The following SPAG16 variants were observed in gnomAD, a reference collection of about 807,000 sequenced individuals.
SPAG16 encodes the protein sperm-associated antigen 16 protein.
Under a neutral mutation model 80.4 loss-of-function variants are expected in SPAG16, and 86 were observed. The ratio of observed to expected loss-of-function variants is 1.07; its 90% CI spans 0.90 to 1.28. The LOEUF (loss-of-function observed/expected upper bound fraction) is 1.28. Ranked by LOEUF, SPAG16 falls within the 50% of genes most tolerant of loss-of-function variation. The pLI is 0.00. For missense variants in SPAG16, 870 were observed against 765.3 expected (o/e 1.14, Z -1.61); for synonymous variants, 294 against 265.9 (o/e 1.11, Z -1.03).
chr2:213,517,215 G>T (rs185156158), intron 10 of SPAG16, among the ~76,000 whole-genome samples: 9 of 152,204 alleles, frequency 5.9e-5, no homozygotes, highest in African/African-American at 1.9e-4. Flanking sequence ...TACAACAGCG[G>T]CAAAGAAAAC....
intron 14 of SPAG16, among the ~76,000 whole-genome samples, chr2:214,132,670 T>A (rs2054837458): frequency 6.6e-6 from 1 of 152,128 alleles, no homozygotes; most frequent in African/African-American, 2.4e-5. Flanking sequence ...CAGTGGAAAC[T>A]AAGAAGAAAA....
At chr2:213,465,321 G>T (rs1370913954) in intron 9 of SPAG16, among the ~76,000 whole-genome samples, 1 of 152,154 alleles carries the variant, frequency 6.6e-6, no homozygotes, top group African/African-American at 2.4e-5. Context: ...TTGCACCCGA[G>T]AAAACAGGTG....
intron 9 of SPAG16, among the ~76,000 whole-genome samples, chr2:213,471,677 T>G (rs1021198247): frequency 6.6e-6 from 1 of 152,180 alleles, no homozygotes; most frequent in Non-Finnish European, 1.5e-5. Flanking sequence ...ATGGCCCAAG[T>G]GGCAGAGCAG....
intron 11 of SPAG16, among the ~76,000 whole-genome samples, chr2:213,908,096 T>C (rs2077504516): frequency 6.6e-6 from 1 of 152,192 alleles, no homozygotes; most frequent in African/African-American, 2.4e-5. Context: ...TGTATACTTA[T>C]ATATTGCAGT....
At chr2:213,920,377 C>T (rs1252964742) in intron 11 of SPAG16, among the ~76,000 whole-genome samples, 1 of 152,156 alleles carries the variant, frequency 6.6e-6, no homozygotes, top group Non-Finnish European at 1.5e-5. Context: ...TATAGTGTCA[C>T]TGGTCTGTAT....
chr2:213,934,428 T>C (rs2078901408), intron 12 of SPAG16, among the ~76,000 whole-genome samples: 1 of 152,222 alleles, frequency 6.6e-6, no homozygotes, highest in East Asian at 1.9e-4. Context: ...CCACAGATCA[T>C]GAACTGTGAG....
chr2:213,740,033 T>C (rs1337639257), intron 10 of SPAG16, among the ~76,000 whole-genome samples: 3 of 152,206 alleles, frequency 2.0e-5, no homozygotes, highest in Non-Finnish European at 4.4e-5. Context: ...AAAGCCAAGA[T>C]TTATTTTGTC....
At chr2:213,345,762 C>T (rs1354732042) in intron 6 of SPAG16, among the ~76,000 whole-genome samples, 1 of 151,112 alleles carries the variant, frequency 6.6e-6, no homozygotes, top group Non-Finnish European at 1.5e-5. Flanking sequence ...GTACCAGTAC[C>T]GTGCTGTTTT....
intron 13 of SPAG16, among the ~76,000 whole-genome samples, chr2:214,050,930 A>G (rs1431028549): frequency 6.6e-6 from 1 of 152,190 alleles, no homozygotes; most frequent in Non-Finnish European, 1.5e-5. Context: ...CACATGTTTT[A>G]CTCTCCAACA....
At chr2:214,054,597 A>C (rs2049837695) in intron 13 of SPAG16, among the ~76,000 whole-genome samples, 1 of 152,184 alleles carries the variant, frequency 6.6e-6, no homozygotes, top group African/African-American at 2.4e-5. Context: ...GAGTTGAGGC[A>C]TATAGTATAA....
chr2:213,835,519 T>C (rs1398467549), intron 10 of SPAG16, among the ~76,000 whole-genome samples: 1 of 152,154 alleles, frequency 6.6e-6, no homozygotes, highest in African/African-American at 2.4e-5. Context: ...TTCTCTAGAA[T>C]CCATGCTAAC....
intron 15 of SPAG16, among the ~76,000 whole-genome samples, chr2:214,206,153 A>G (rs1284108841): frequency 1.2e-4 from 18 of 152,110 alleles, no homozygotes; most frequent in Admixed American, 1.2e-3. Flanking sequence ...CCGAGATTGC[A>G]CCACTACAGA....
chr2:214,303,409 A>G (rs901319210), intron 15 of SPAG16, among the ~76,000 whole-genome samples: 1 of 152,222 alleles, frequency 6.6e-6, no homozygotes, highest in Admixed American at 6.5e-5. Flanking sequence ...TATAAAATTC[A>G]TGGATGGCAT....
intron 10 of SPAG16, among the ~76,000 whole-genome samples, chr2:213,499,277 G>C (rs2074634009): frequency 6.6e-6 from 1 of 151,986 alleles, no homozygotes; most frequent in African/African-American, 2.4e-5. Flanking sequence ...GCTCCTTTCT[G>C]TTCTCTTGAT....
intron 9 of SPAG16, among the ~76,000 whole-genome samples, chr2:213,401,540 A>G (rs958349286): frequency 6.6e-6 from 1 of 152,206 alleles, no homozygotes; most frequent in Non-Finnish European, 1.5e-5. Context: ...AATACAAAAA[A>G]TCTCCTTTAA....
chr2:213,643,357 T>TAC (rs1657262613), intron 10 of SPAG16, among the ~76,000 whole-genome samples: 1 of 5,924 alleles, frequency 1.7e-4, no homozygotes. Context: ...TTTATATATA[T>TAC]ATATATATAT....
chr2:213,951,174 T>C (rs1379439866), intron 12 of SPAG16, among the ~76,000 whole-genome samples: 1 of 152,160 alleles, frequency 6.6e-6, no homozygotes, highest in Non-Finnish European at 1.5e-5. Context: ...ATTCAGGATT[T>C]CATAATTTAG....
intron 15 of SPAG16, among the ~76,000 whole-genome samples, chr2:214,246,736 T>G (rs2888266): frequency 6.6e-6 from 1 of 152,046 alleles, no homozygotes; most frequent in Admixed American, 6.6e-5. Flanking sequence ...TCCAGAGCTT[T>G]GGGGAATGTT....
At chr2:214,230,910 C>T (rs947530722) in intron 15 of SPAG16, among the ~76,000 whole-genome samples, 4 of 152,004 alleles carry the variant, frequency 2.6e-5, no homozygotes, top group African/African-American at 9.7e-5. Flanking sequence ...ACCAAACCAT[C>T]TGTCTATCTT....
Sources: allele counts gnomAD v4.1 joint callset (sites outside exome capture counted in the v4.1 genomes callset), GRCh38; gene constraint gnomAD v4.1.1; transcripts MANE v1.5; gene names NCBI Gene and HGNC (gene_info 2026-07-23, HGNC 2026-07-21).